C8orf34: variants seen among roughly 807,000 people sequenced by gnomAD.
C8orf34 encodes the protein uncharacterized protein C8orf34.
In C8orf34, 65 loss-of-function variants were observed where a neutral mutation model predicts 68.3. The ratio of observed to expected loss-of-function variants is 0.95; its 90% CI spans 0.78 to 1.17. The LOEUF (loss-of-function observed/expected upper bound fraction) is 1.17, where lower values mean the gene tolerates loss of function less well. Among genes scored for constraint, C8orf34 ranks in the 50% most tolerant of loss-of-function variants. C8orf34 has a pLI of 0.00. For synonymous variants in C8orf34, 244 were observed against 241.2 expected (o/e 1.01, Z -0.11); for missense variants, 664 against 655.4 (o/e 1.01, Z -0.14).
At chr8:68,489,915 C>T (rs867552138) in intron 5 of C8orf34, among the ~76,000 whole-genome samples, 72 of 152,272 alleles carry the variant, frequency 4.7e-4, no homozygotes, top group African/African-American at 1.7e-3. Context: ...TCTTAAATAT[C>T]TATTTCCTTT....
At chr8:68,526,040 A>G (rs1814971081) in intron 6 of C8orf34, 1 of 170,182 alleles carries the variant, frequency 5.9e-6, no homozygotes, top group Non-Finnish European at 1.2e-5. Context: ...CTCACTGCAG[A>G]CTCTCCCTCC....
intron 3 of C8orf34, among the ~76,000 whole-genome samples, chr8:68,465,105 A>G (rs954625456): frequency 6.6e-6 from 1 of 152,118 alleles, no homozygotes; most frequent in Non-Finnish European, 1.5e-5. Flanking sequence ...AATTTACAAG[A>G]AAAAAACAAA....
intron 8 of C8orf34, among the ~76,000 whole-genome samples, chr8:68,669,944 G>A (rs1235799985): frequency 6.6e-6 from 1 of 152,082 alleles, no homozygotes; most frequent in East Asian, 1.9e-4. Context: ...TAACATGAAT[G>A]GCTGAATAAC....
chr8:68,773,207 T>C (rs1273900452), intron 10 of C8orf34, among the ~76,000 whole-genome samples: 1 of 152,004 alleles, frequency 6.6e-6, no homozygotes, highest in East Asian at 1.9e-4. Context: ...TGGTCTGGTG[T>C]TGGAAATGGG....
intron 10 of C8orf34, among the ~76,000 whole-genome samples, chr8:68,754,506 A>G (rs1255969615): frequency 2.0e-5 from 3 of 152,186 alleles, no homozygotes; most frequent in Admixed American, 6.5e-5. Flanking sequence ...CTTGAGGCCA[A>G]AGAAGACATT....
intron 2 of C8orf34, among the ~76,000 whole-genome samples, chr8:68,443,223 T>C (rs755235794): frequency 6.6e-6 from 1 of 151,822 alleles, no homozygotes; most frequent in Non-Finnish European, 1.5e-5. Flanking sequence ...TGGAAGGAAA[T>C]GGCCCAGAGG....
At chr8:68,361,398 GGGA>G (rs1167889910) in intron 1 of C8orf34, among the ~76,000 whole-genome samples, 1 of 152,110 alleles carries the variant, frequency 6.6e-6, no homozygotes, top group African/African-American at 2.4e-5. Context: ...CAGCTTTTGT[GGGA>G]GGAGGATTCT....
At chr8:68,768,829 C>T (rs1823257098) in intron 10 of C8orf34, among the ~76,000 whole-genome samples, 1 of 152,056 alleles carries the variant, frequency 6.6e-6, no homozygotes, top group Non-Finnish European at 1.5e-5. Flanking sequence ...ACCACCAGTT[C>T]CCATACCTAG....
intron 7 of C8orf34, among the ~76,000 whole-genome samples, chr8:68,558,667 C>T (rs1441415433): frequency 1.3e-5 from 2 of 151,780 alleles, no homozygotes; most frequent in Non-Finnish European, 2.9e-5. Context: ...GGTCTTCTAG[C>T]AAAAAATATG....
At chr8:68,458,044 G>C (rs994589450) in intron 3 of C8orf34, among the ~76,000 whole-genome samples, 7 of 151,760 alleles carry the variant, frequency 4.6e-5, no homozygotes, top group African/African-American at 1.7e-4. Context: ...ACCCAGCATG[G>C]GTGATTAGAT....
chr8:68,521,667 A>G, intron 5 of C8orf34, 132 bp from the exon 6 acceptor site: 1 of 715,254 alleles, frequency 1.4e-6, no homozygotes, highest in Non-Finnish European at 2.2e-6. Context: ...AGTTGGAGGA[A>G]ACTGAAGTTT....
At chr8:68,656,184 AG>A (rs1819505904) in intron 8 of C8orf34, among the ~76,000 whole-genome samples, 1 of 152,208 alleles carries the variant, frequency 6.6e-6, no homozygotes, top group African/African-American at 2.4e-5. Context: ...ACCATATGCT[AG>A]CAAAAGAGAC....
At chr8:68,800,905 G>T (rs990708471) in intron 12 of C8orf34, among the ~76,000 whole-genome samples, 2 of 152,106 alleles carry the variant, frequency 1.3e-5, no homozygotes, top group African/African-American at 4.8e-5. Flanking sequence ...CCAAAATAAA[G>T]AATTCAGATT....
At chr8:68,777,195 T>C (rs1164634526) in intron 11 of C8orf34, among the ~76,000 whole-genome samples, 1 of 152,168 alleles carries the variant, frequency 6.6e-6, no homozygotes, top group African/African-American at 2.4e-5. Flanking sequence ...GGTTCAGCAT[T>C]CCCCACTTAA....
chr8:68,400,754 G>T (rs1039059323), intron 1 of C8orf34, among the ~76,000 whole-genome samples: 1 of 152,070 alleles, frequency 6.6e-6, no homozygotes, highest in Non-Finnish European at 1.5e-5. Flanking sequence ...TCAGTACCAT[G>T]CTGTTTTGGT....
At chr8:68,688,055 T>C (rs1820573521) in intron 8 of C8orf34, among the ~76,000 whole-genome samples, 3 of 152,056 alleles carry the variant, frequency 2.0e-5, no homozygotes, top group Middle Eastern at 3.4e-3. Context: ...ATCAGGGAAA[T>C]GCAAATTAAA....
At chr8:68,511,131 A>T (rs1340923601) in intron 5 of C8orf34, among the ~76,000 whole-genome samples, 1 of 152,272 alleles carries the variant, frequency 6.6e-6, no homozygotes, top group Non-Finnish European at 1.5e-5. Context: ...GCACTGATGC[A>T]AACAACTATA....
At chr8:68,702,267 C>T (rs1020040701) in intron 8 of C8orf34, among the ~76,000 whole-genome samples, 6 of 152,030 alleles carry the variant, frequency 3.9e-5, no homozygotes, top group Admixed American at 6.6e-5. Flanking sequence ...GCTGGATTAT[C>T]GCAAAAGCTC....
chr8:68,461,167 G>T (rs566628907), intron 3 of C8orf34, among the ~76,000 whole-genome samples: 1 of 152,210 alleles, frequency 6.6e-6, no homozygotes, highest in South Asian at 2.1e-4. Context: ...GAGCCAATGC[G>T]ATCAACTGGA....
Sources: allele counts gnomAD v4.1 joint callset (sites outside exome capture counted in the v4.1 genomes callset), GRCh38; gene constraint gnomAD v4.1.1; transcripts MANE v1.5; gene names NCBI Gene and HGNC (gene_info 2026-07-23, HGNC 2026-07-21).